Variants in PTPRO observed in about 807,000 individuals in gnomAD.
PTPRO encodes the protein receptor-type tyrosine-protein phosphatase O.
PTPRO carries 62 observed loss-of-function variants against 145.2 expected under a neutral mutation model. The observed-to-expected ratio is 0.43, with a 90% confidence interval of 0.35 to 0.53. The LOEUF (loss-of-function observed/expected upper bound fraction) is 0.53. PTPRO is among the 20% of genes least tolerant of loss of function. The pLI is 0.01. For missense variants in PTPRO, 1,345 were observed against 1,482.7 expected, an observed-to-expected ratio of 0.91 and a Z score of 1.53; for synonymous variants, 565 against 514.7, an observed-to-expected ratio of 1.10 and a Z score of -1.32.
At chr12:15,581,972 C>T (rs1458980215) in intron 23 of PTPRO, among the ~76,000 whole-genome samples, 171 bp downstream of exon 23, 1 of 152,112 alleles carries the variant, frequency 6.6e-6, no homozygotes, top group African/African-American at 2.4e-5. Flanking sequence ...AGCTGAGAGC[C>T]TCGAACAGAG....
intron 12 of PTPRO, among the ~76,000 whole-genome samples, chr12:15,540,850 T>G (rs1943165742): frequency 6.6e-6 from 1 of 152,236 alleles, no homozygotes. Context: ...CCTTCCAGTC[T>G]GCCCATATTC....
At chr12:15,526,401 T>TA in intron 12 of PTPRO, 139 bp downstream of exon 12, 1 of 1,160,092 alleles carries the variant, frequency 8.6e-7, no homozygotes, top group Non-Finnish European at 1.3e-6. Context: ...ACATTTGTAC[T>TA]AGCAAAAGGG....
At chr12:15,460,120 G>C (rs1941268924) in intron 1 of PTPRO, among the ~76,000 whole-genome samples, 1 of 152,124 alleles carries the variant, frequency 6.6e-6, no homozygotes, top group Admixed American at 6.5e-5. Context: ...ATATTTTTGA[G>C]TCAATAAACA....
intron 2 of PTPRO, among the ~76,000 whole-genome samples, chr12:15,490,822 AGT>A (rs1487119070): frequency 6.6e-6 from 1 of 152,202 alleles, no homozygotes; most frequent in Admixed American, 6.5e-5. Flanking sequence ...GGGAAATATC[AGT>A]GAGAAGGAGG....
At chr12:15,565,350 T>C in intron 17 of PTPRO, 1 of 330,844 alleles carries the variant, frequency 3.0e-6, no homozygotes, top group East Asian at 5.9e-5. Flanking sequence ...AACTCAGTTT[T>C]TGGCAAATGG....
intron 1 of PTPRO, among the ~76,000 whole-genome samples, chr12:15,474,887 C>T (rs892867846): frequency 6.6e-6 from 1 of 152,190 alleles, no homozygotes; most frequent in Non-Finnish European, 1.5e-5. Flanking sequence ...GCACAGATGA[C>T]ACTTCTTTTA....
chr12:15,418,195 CAA>C (rs745817786), intron 1 of PTPRO, among the ~76,000 whole-genome samples: 14 of 151,896 alleles, frequency 9.2e-5, no homozygotes, highest in Non-Finnish European at 1.8e-4. Flanking sequence ...ATAGCACAGG[CAA>C]AGTGATTAAA....
intron 1 of PTPRO, among the ~76,000 whole-genome samples, chr12:15,440,726 A>G (rs1455325119): frequency 1.3e-5 from 2 of 152,206 alleles, no homozygotes; most frequent in Non-Finnish European, 2.9e-5. Context: ...AGGGGTCACT[A>G]TTCTTCTATC....
At chr12:15,594,832 T>C (rs746895062) in intron 25 of PTPRO, 105 bp from the exon 26 acceptor site, 41 of 778,158 alleles carry the variant, frequency 5.3e-5, no homozygotes, top group Admixed American at 1.6e-4. Flanking sequence ...ATAATGAAAA[T>C]GGTTTCCTTT....
chr12:15,379,143 T>C (rs1938777356), intron 1 of PTPRO, among the ~76,000 whole-genome samples: 1 of 151,876 alleles, frequency 6.6e-6, no homozygotes, highest in African/African-American at 2.4e-5. Flanking sequence ...TCAAAAGAAA[T>C]AAAATCATAT....
At chr12:15,580,612 T>G in intron 21 of PTPRO, 85 bp from the exon 22 acceptor site, 1 of 1,558,408 alleles carries the variant, frequency 6.4e-7, no homozygotes, top group Non-Finnish European at 8.8e-7. Flanking sequence ...ACCAGTAAGT[T>G]TTCAGTTTTT....
chr12:15,448,354 A>AAAAAAAAAAAAAAAAAAAAAAAAAAAAC (rs1940959735), intron 1 of PTPRO, among the ~76,000 whole-genome samples: 1 of 148,762 alleles, frequency 6.7e-6, no homozygotes, highest in Non-Finnish European at 1.5e-5. Context: ...AAAAAAAAAA[A>AAAAAAAAAAAAAAAAAAAAAAAAAAAAC]AAAAAAGCAC....
At chr12:15,338,094 T>C (rs1458359969) in intron 1 of PTPRO, among the ~76,000 whole-genome samples, 4 of 152,216 alleles carry the variant, frequency 2.6e-5, no homozygotes, top group Non-Finnish European at 4.4e-5. Flanking sequence ...TGAGATGTAC[T>C]AATATCAATT....
At chr12:15,485,485 A>G (rs1204271483) in intron 2 of PTPRO, among the ~76,000 whole-genome samples, 2 of 152,180 alleles carry the variant, frequency 1.3e-5, no homozygotes, top group Non-Finnish European at 2.9e-5. Flanking sequence ...TATCTTCATA[A>G]TTTCATAAAC....
chr12:15,455,309 T>TCCC (rs200161071), intron 1 of PTPRO, among the ~76,000 whole-genome samples: 1 of 151,262 alleles, frequency 6.6e-6, no homozygotes, highest in African/African-American at 2.4e-5. Flanking sequence ...CACTGCCCCT[T>TCCC]CCCCCCCACA....
chr12:15,544,435 G>T (rs906240823), intron 12 of PTPRO, among the ~76,000 whole-genome samples: 1 of 146,264 alleles, frequency 6.8e-6, no homozygotes, highest in African/African-American at 2.6e-5. Context: ...AACCCGGGAG[G>T]CAGAGGTTGC....
intron 2 of PTPRO, among the ~76,000 whole-genome samples, chr12:15,486,484 A>T (rs1271838041): frequency 6.6e-6 from 1 of 151,938 alleles, no homozygotes; most frequent in Non-Finnish European, 1.5e-5. Context: ...TTTTTTTTCC[A>T]ATCTAAAAAT....
At chr12:15,324,517 A>G (rs1866390881) in intron 1 of PTPRO, among the ~76,000 whole-genome samples, 1 of 152,256 alleles carries the variant, frequency 6.6e-6, no homozygotes, top group Non-Finnish European at 1.5e-5. Flanking sequence ...TTCACATAAT[A>G]GGTATATTCC....
intron 15 of PTPRO, among the ~76,000 whole-genome samples, chr12:15,553,336 A>G (rs1296778241): frequency 6.6e-6 from 1 of 152,208 alleles, no homozygotes; most frequent in Non-Finnish European, 1.5e-5. Context: ...AAGGTCAGGT[A>G]AGGGAGATAA....
Sources: allele counts gnomAD v4.1 joint callset (sites outside exome capture counted in the v4.1 genomes callset), GRCh38; gene constraint gnomAD v4.1.1; transcripts MANE v1.5; gene names NCBI Gene and HGNC (gene_info 2026-07-23, HGNC 2026-07-21).